Variants in APAF1 observed in about 807,000 individuals in gnomAD.
The protein encoded by APAF1 is apoptotic peptidase activating factor 1, also known as apoptotic protease-activating factor 1.
APAF1 carries 91 observed loss-of-function variants against 152.4 expected under a neutral mutation model. That is an observed-to-expected ratio of 0.60 (90% CI 0.50 to 0.71). The LOEUF (loss-of-function observed/expected upper bound fraction) is 0.71. APAF1 is among the 30% of genes least tolerant of loss of function. APAF1 has a pLI of 0.00. For missense variants in APAF1, 1,283 were observed against 1,472.0 expected (o/e 0.87, Z 2.10); for synonymous variants, 484 against 494.1 (o/e 0.98, Z 0.27).
At chr12:98,706,699 G>A (rs545573251) in intron 19 of APAF1, 89 bp downstream of exon 19, 261 of 1,481,470 alleles carry the variant, frequency 1.8e-4, no homozygotes, top group Non-Finnish European at 2.3e-4. Context: ...TAGCACTGAG[G>A]TAAGCAGAAT....
At chr12:98,651,210 A>T (rs1017318795) in intron 4 of APAF1, among the ~76,000 whole-genome samples, 2 of 152,212 alleles carry the variant, frequency 1.3e-5, no homozygotes, top group Non-Finnish European at 2.9e-5. Context: ...GGCTTATTAT[A>T]GTAGATCTGT....
At position 98,734,708 on chromosome 12, in the gene APAF1, T is replaced by G. The variant is rs960698921; in HGVS notation, c.*2142T>G. 6.5e-6 allele frequency: 1 copy of G among 153,152 alleles called. No homozygotes were observed. The highest frequency in any genetic ancestry group is 1.5e-5 in the Non-Finnish European group (1 of 68,312). 9.5% of individuals were successfully genotyped at this position (153,152 alleles called of 1,614,324 possible). A position where few individuals can be genotyped will look rare whatever the true frequency, so the allele number is the denominator to read the frequency against. On this transcript the variant is annotated 3_prime_UTR_variant, in exon 27 of 27. Transcript: ENST00000551964. ...TAAATGGTGGGTCAAGGAGCTAGTTTACAGGCTTACTGTGATTTAAGCAAA... is the reference window on the plus strand; with the variant it reads ...TAAATGGTGGGTCAAGGAGCTAGTTGACAGGCTTACTGTGATTTAAGCAAA...
In APAF1 at chr12:98,674,251, C is replaced by T. The variant is rs1442778750; in HGVS notation, c.1793+2532C>T. ...AATTGATCCTCCTTCCTTGACTTCCCAAAGTTCTTGGATTACAGGCATGAG... is the reference window on the plus strand; with the variant it reads ...AATTGATCCTCCTTCCTTGACTTCCTAAAGTTCTTGGATTACAGGCATGAG... On this transcript the variant is annotated intron_variant, in intron 12 of 26. Transcript: ENST00000551964. Among the ~76,000 whole-genome samples the T allele has an allele frequency of 3.3e-5, 5 of 152,224 alleles. No homozygotes were observed. In the East Asian group the frequency reaches 9.6e-4, roughly 29 times the overall value.
chr12:98,677,654 A>G (rs2097688032), intron 13 of APAF1, 103 bp downstream of exon 13: 1 of 1,347,500 alleles, frequency 7.4e-7, no homozygotes, highest in African/African-American at 1.4e-5. Context: ...GCAACTTAGA[A>G]ATAACAGAGG....
intron 10 of APAF1, among the ~76,000 whole-genome samples, chr12:98,670,318 C>G (rs904384280): frequency 1.3e-5 from 2 of 152,104 alleles, no homozygotes; most frequent in African/African-American, 2.4e-5. Flanking sequence ...TTCTTGTTCT[C>G]CTTTGATTAC....
chr12:98,679,836 C>T (rs1044111719), intron 13 of APAF1, among the ~76,000 whole-genome samples: 4 of 152,262 alleles, frequency 2.6e-5, no homozygotes, highest in Non-Finnish European at 5.9e-5. Flanking sequence ...CACGTCTGTG[C>T]GCAGTGGCTG....
At chr12:98,669,255 C>T (rs552311949) in intron 10 of APAF1, among the ~76,000 whole-genome samples, 7 of 151,966 alleles carry the variant, frequency 4.6e-5, no homozygotes, top group Admixed American at 1.3e-4. Flanking sequence ...TGGCAAATTC[C>T]GAGAAGTAGA....
At position 98,671,621 on chromosome 12, in the gene APAF1, A is replaced by G. The variant is rs1343756322; in HGVS notation, c.1695A>G (p.Gln565=). The G allele has an allele frequency of 3.1e-6, 5 of 1,613,920 alleles. No individual in the cohort carries two copies. The highest frequency in any genetic ancestry group is 1.1e-5 in the South Asian group (1 of 91,056). ...LGRQPFPNIV[Q]LGLCEPETSE... is the part of the protein sequence containing the mutation. ...GACAGCCATTTCCTAATATTGTACA[A>G]CTGGGTCTCTGTGAGCCGGAAACTT... The change falls in exon 12 of 27, where the codon CAA becomes CAG. Residue 565 remains glutamine, a synonymous_variant. Transcript: ENST00000551964.
At chr12:98,670,636 GTTTTTC>G (rs1246055249) in intron 10 of APAF1, among the ~76,000 whole-genome samples, 1 of 151,756 alleles carries the variant, frequency 6.6e-6, no homozygotes, top group Non-Finnish European at 1.5e-5. Flanking sequence ...GTTAAGTGCA[GTTTTTC>G]TTTTTGTTTG....
intron 22 of APAF1, among the ~76,000 whole-genome samples, chr12:98,720,020 G>GT (rs1043477197): frequency 1.3e-5 from 2 of 152,266 alleles, no homozygotes; most frequent in East Asian, 3.9e-4. Flanking sequence ...CATGACACTG[G>GT]TGTTCTAGCT....
Position 98,723,639 on chromosome 12 carries a change from G to T in APAF1, c.3205G>T (p.Val1069Leu), listed in dbSNP as rs772552908. The change falls in exon 24 of 27, where the codon GTA (valine) becomes TTA (leucine). Residue 1069 changes from valine to leucine, a missense_variant and splice_region_variant. Coordinates refer to ENST00000551964, the MANE Select transcript of APAF1 (RefSeq NM_181861.2). The part of the protein sequence containing the change: ...LSWSFDGTVK[V>L]WNIITGNKEK... Reference sequence around the variant, plus strand: ...CAAGTGTTTTTTTTTTTTTTTTAAGGTATGGAATATTATTACTGGAAATAA... The same window carrying T: ...CAAGTGTTTTTTTTTTTTTTTTAAGTTATGGAATATTATTACTGGAAATAA... The T allele has an allele frequency of 6.5e-6, 10 of 1,534,312 alleles. No homozygotes were observed. The highest frequency in any genetic ancestry group is 5.8e-5 in the South Asian group (5 of 85,936).
intron 10 of APAF1, among the ~76,000 whole-genome samples, chr12:98,670,621 A>G (rs925837146): frequency 3.3e-5 from 5 of 151,910 alleles, no homozygotes; most frequent in Admixed American, 1.3e-4. Flanking sequence ...ATACACTTTT[A>G]TATAGTTAAG....
chr12:98,648,497 G>C lies in APAF1; in HGVS notation c.138G>C (p.Glu46Asp). Residue 46 changes from glutamate (E) to aspartate (D), a missense_variant and splice_region_variant, in exon 2 of 27, where the codon GAG becomes GAC. Physicochemically the swap from Glu to Asp is conservative, Grantham distance 45. Transcript: ENST00000551964. ...TISEEEKVRN[E>D]PTQQQRAAML... ...CAGAAGAGGAAAAAGTAAGAAATGA[G>C]GTAAAGCTCTCTGAAGCAGTCCACA... 6.2e-7 allele frequency: 1 copy of C among 1,613,226 alleles called. No homozygotes were observed. Among genetic ancestry groups the C allele is most frequent in the South Asian group, 1.1e-5 (1 of 90,994 alleles).
At position 98,683,266 on chromosome 12, in the gene APAF1, T is replaced by C; in HGVS notation, c.2170T>C (p.Phe724Leu). The change falls in exon 15 of 27, where the codon TTC becomes CTC. Residue 724 changes from phenylalanine to leucine, a missense_variant. Phe to Leu is a conservative substitution (Grantham distance 22, BLOSUM62 0). Coordinates refer to ENST00000551964, the MANE Select transcript of APAF1 (RefSeq NM_181861.2). ...LLLATGSSDC[F>L]LKLWDLNQKE... is the part of the protein sequence containing the mutation. ...CTTAGCCACTGGGTCAAGTGACTGCTTCCTCAAAGTAAGTGTGGATATTGA... is the reference window on the plus strand; with the variant it reads ...CTTAGCCACTGGGTCAAGTGACTGCCTCCTCAAAGTAAGTGTGGATATTGA... 6.2e-7 allele frequency: 1 copy of C among 1,613,926 alleles called. No homozygotes were observed. Among genetic ancestry groups the C allele is most frequent in the Non-Finnish European group, 8.5e-7 (1 of 1,179,948 alleles).
intron 16 of APAF1, among the ~76,000 whole-genome samples, chr12:98,691,036 G>A (rs1482402685): frequency 2.0e-5 from 3 of 151,916 alleles, no homozygotes; most frequent in Non-Finnish European, 4.4e-5. Flanking sequence ...GTGAAACCCC[G>A]TCTCTACTAA....
Position 98,725,412 on chromosome 12 carries a change from C to T in APAF1, c.3331-3C>T. On this transcript the variant is annotated splice_region_variant and splice_polypyrimidine_tract_variant and intron_variant, in intron 24 of 26. Transcript: ENST00000551964. ...TTGCTAAACAATCCTAATTGCCTTC[C>T]AGATCTGGAGTTTTGATCTCCTTTT... is the stretch of plus-strand genomic sequence containing the variant. 3 of 1,614,050 alleles carry T rather than the reference C, an allele frequency of 1.9e-6. No homozygotes were observed. Among genetic ancestry groups the T allele is most frequent in the Non-Finnish European group, 2.5e-6 (3 of 1,179,996 alleles).
intron 16 of APAF1, among the ~76,000 whole-genome samples, chr12:98,695,353 G>GC (rs374132694): frequency 0.088 from 12,371 of 140,088 alleles, 698 homozygotes; most frequent in East Asian, 0.25. Flanking sequence ...GCCCAATGCC[G>GC]CCCCCCCCCT....
At chr12:98,695,352 C>A (rs909130364) in intron 16 of APAF1, among the ~76,000 whole-genome samples, 1 of 145,932 alleles carries the variant, frequency 6.9e-6, no homozygotes, top group African/African-American at 2.5e-5. Context: ...CGCCCAATGC[C>A]GCCCCCCCCC....
intron 4 of APAF1, among the ~76,000 whole-genome samples, chr12:98,655,359 G>A (rs1227056396): frequency 2.0e-5 from 3 of 151,352 alleles, no homozygotes; most frequent in Non-Finnish European, 3.0e-5. Flanking sequence ...CCTCCCAGAC[G>A]GGGTGGTGGC....
Sources: gnomAD v4.1 joint callset for allele counts (sites outside exome capture counted in the v4.1 genomes callset) on GRCh38, gnomAD v4.1.1 for gene constraint, MANE v1.5 for transcripts, NCBI Gene and HGNC (gene_info 2026-07-23, HGNC 2026-07-21) for gene names.